KIAA0586: variants seen among roughly 807,000 people sequenced by gnomAD.
KIAA0586 encodes the protein KIAA0586.
KIAA0586 carries 144 observed loss-of-function variants against 169.8 expected under a neutral mutation model. The ratio of observed to expected loss-of-function variants is 0.85; its 90% CI spans 0.74 to 0.97. The LOEUF is 0.97. Ranked by LOEUF, KIAA0586 falls within the 50% of genes least tolerant of loss-of-function variation. The pLI, the probability that KIAA0586 is intolerant of heterozygous loss-of-function variation, is 0.00. For missense variants in KIAA0586, 1,854 were observed against 1,823.0 expected (o/e 1.02, Z -0.31); for synonymous variants, 625 against 612.4 (o/e 1.02, Z -0.30).
chr14:58,428,761 C>T (rs910763654), intron 1 of KIAA0586, among the ~76,000 whole-genome samples: 1 of 151,022 alleles, frequency 6.6e-6, no homozygotes, highest in Middle Eastern at 3.2e-3. Flanking sequence ...TATTTTCCCC[C>T]ACGTAGTGTT....
intron 9 of KIAA0586, 46 bp downstream of exon 9, chr14:58,453,519 G>C: frequency 7.3e-7 from 1 of 1,363,430 alleles, no homozygotes; most frequent in Non-Finnish European, 9.7e-7. Flanking sequence ...AAAGAGTTTT[G>C]TTAAGATTTT....
Position 58,492,178 on chromosome 14 carries a change from GGA to G in KIAA0586, c.3894_3895del (p.Arg1298SerfsTer4). 1.3e-6 allele frequency: 2 copies of G among 1,549,254 alleles called. No homozygotes were observed. The highest frequency in any genetic ancestry group is 1.7e-6 in the Non-Finnish European group (2 of 1,145,438). Reference sequence around the variant, plus strand: ...CCTCCTAGTGAAGGGCAAGTGATTAGGATGTCCCATAAAAAATTTCATGCAGA... The same window carrying G: ...CCTCCTAGTGAAGGGCAAGTGATTAGTGTCCCATAAAAAATTTCATGCAGA... On this transcript the variant is annotated frameshift_variant, in exon 26 of 31. Coordinates refer to ENST00000652326, the MANE Select transcript of KIAA0586 (RefSeq NM_001329943.3). LOFTEE classifies it high-confidence loss of function.
intron 29 of KIAA0586, among the ~76,000 whole-genome samples, chr14:58,535,494 A>G (rs2046224333): frequency 1.3e-5 from 2 of 152,100 alleles, no homozygotes; most frequent in South Asian, 4.1e-4. Flanking sequence ...TGGGTCATCT[A>G]TTTTCTGAAT....
intron 7 of KIAA0586, among the ~76,000 whole-genome samples, chr14:58,448,712 C>T (rs987847059): frequency 3.3e-5 from 5 of 151,484 alleles, no homozygotes; most frequent in Admixed American, 1.3e-4. Flanking sequence ...TCTTTTTTTG[C>T]GTCAAGTAAT....
At position 58,470,686 on chromosome 14, in the gene KIAA0586, A is replaced by C. The variant is rs1254876263; in HGVS notation, c.2516A>C (p.Lys839Thr). 6.2e-7 allele frequency: 1 copy of C among 1,608,622 alleles called. No individual in the cohort carries two copies. Among genetic ancestry groups the C allele is most frequent in the Non-Finnish European group, 8.5e-7 (1 of 1,175,342 alleles). ...ADVLSPLSSP[K>T]EASLPPVQTW... ...GTCCTTTCACCTCTGTCTAGCCCCA[A>C]AGAAGCATCTCTTCCTCCTGTGCAA... The change falls in exon 17 of 31, where the codon AAA becomes ACA. Residue 839 changes from lysine (K) to threonine (T), a missense_variant. Coordinates refer to ENST00000652326, the MANE Select transcript of KIAA0586 (RefSeq NM_001329943.3).
intron 15 of KIAA0586, 146 bp from the exon 16 acceptor site, chr14:58,467,589 G>A (rs572152545): frequency 4.2e-5 from 25 of 592,168 alleles, no homozygotes; most frequent in African/African-American, 3.9e-4. Flanking sequence ...TGAGTATGTC[G>A]ACAGTGCTGA....
chr14:58,451,631 T>A (rs1228899663), intron 8 of KIAA0586, among the ~76,000 whole-genome samples: 1 of 152,174 alleles, frequency 6.6e-6, no homozygotes. Context: ...ATTTCAATAA[T>A]AAAACGTAGA....
intron 20 of KIAA0586, among the ~76,000 whole-genome samples, chr14:58,478,923 A>T (rs1026906981): frequency 5.3e-5 from 8 of 152,232 alleles, no homozygotes; most frequent in African/African-American, 1.9e-4. Flanking sequence ...TATAATGTAT[A>T]GATATACCAT....
At chr14:58,439,564 A>G (rs1219460069) in intron 4 of KIAA0586, among the ~76,000 whole-genome samples, 2 of 152,198 alleles carry the variant, frequency 1.3e-5, no homozygotes, top group Non-Finnish European at 2.9e-5. Context: ...TTCTTCATCT[A>G]TAAAATTAGG....
intron 30 of KIAA0586, among the ~76,000 whole-genome samples, chr14:58,544,826 G>A (rs1218027882): frequency 2.0e-5 from 3 of 152,176 alleles, no homozygotes; most frequent in Non-Finnish European, 4.4e-5. Flanking sequence ...CTTGGCCCTG[G>A]CCTTGCTTAT....
At chr14:58,439,036 A>G (rs932874563) in intron 4 of KIAA0586, among the ~76,000 whole-genome samples, 4 of 152,156 alleles carry the variant, frequency 2.6e-5, no homozygotes, top group African/African-American at 9.7e-5. Context: ...TGAGAGAGAG[A>G]AGTGAGAAGG....
At position 58,539,998 on chromosome 14, in the gene KIAA0586, A is replaced by C; in HGVS notation, c.4430-73A>C. On this transcript the variant is annotated intron_variant, in intron 29 of 30. Transcript: ENST00000652326. ...GAGTGCATTTGGTTTGTGTTCTTTT[A>C]GTGAATAGGAATGAATCATGATTAT... 3 of 889,974 alleles carry C rather than the reference A, an allele frequency of 3.4e-6. No homozygotes were observed. In the South Asian group the frequency reaches 4.8e-5, roughly 14 times the overall value. The allele number at this position is 889,974 out of a possible 1,614,324, so 55.1% of individuals were successfully genotyped here. A position where few individuals can be genotyped will look rare whatever the true frequency, so the allele number is the denominator to read the frequency against.
At chr14:58,502,166 C>A (rs1346311321) in intron 27 of KIAA0586, among the ~76,000 whole-genome samples, 1 of 152,064 alleles carries the variant, frequency 6.6e-6, no homozygotes, top group East Asian at 1.9e-4. Flanking sequence ...GACAGAGTCT[C>A]GCTCTGTTGC....
At chr14:58,537,224 G>A (rs895550935) in intron 29 of KIAA0586, 4 of 1,007,344 alleles carry the variant, frequency 4.0e-6, no homozygotes, top group African/African-American at 3.5e-5. Context: ...TACTGTGATA[G>A]TGGCTTATTT....
chr14:58,504,427 G>A (rs1338326364), intron 27 of KIAA0586, among the ~76,000 whole-genome samples: 3 of 152,146 alleles, frequency 2.0e-5, no homozygotes, highest in African/African-American at 7.2e-5. Flanking sequence ...AGAATTAGGA[G>A]GAAAGAGATT....
intron 6 of KIAA0586, among the ~76,000 whole-genome samples, chr14:58,445,016 C>G (rs551694212): frequency 2.0e-5 from 3 of 151,414 alleles, no homozygotes; most frequent in African/African-American, 7.3e-5. Context: ...GACCTTGAGT[C>G]CAGGAGTTTG....
intron 4 of KIAA0586, among the ~76,000 whole-genome samples, chr14:58,437,925 A>G (rs1172389028): frequency 1.3e-5 from 2 of 152,154 alleles, no homozygotes; most frequent in Non-Finnish European, 2.9e-5. Context: ...AAAGCAAGCT[A>G]GCTTCTAAAT....
At chr14:58,461,780 T>C (rs1474751969) in intron 14 of KIAA0586, among the ~76,000 whole-genome samples, 1 of 152,216 alleles carries the variant, frequency 6.6e-6, no homozygotes, top group Non-Finnish European at 1.5e-5. Context: ...ATGAGCACTT[T>C]TGCAGTTTGG....
intron 4 of KIAA0586, chr14:58,440,256 C>G (rs1419431224): frequency 2.4e-6 from 1 of 424,598 alleles, no homozygotes; most frequent in East Asian, 7.9e-5. Context: ...TTCTGTCTTG[C>G]TTTGCTCTGC....
Sources: gnomAD v4.1 joint callset for allele counts (sites outside exome capture counted in the v4.1 genomes callset) on GRCh38, gnomAD v4.1.1 for gene constraint, MANE v1.5 for transcripts, NCBI Gene and HGNC (gene_info 2026-07-23, HGNC 2026-07-21) for gene names.